Variants in DLGAP2 observed in about 807,000 individuals in gnomAD.
DLGAP2 encodes DLG associated protein 2.
A neutral mutation model predicts 100.3 loss-of-function variants in DLGAP2; 26 were observed. That is an observed-to-expected ratio of 0.26 (90% confidence interval 0.19 to 0.36). The LOEUF (loss-of-function observed/expected upper bound fraction) is 0.36, where lower values mean the gene tolerates loss of function less well. DLGAP2 is among the 10% of genes least tolerant of loss of function. DLGAP2 has a pLI of 1.00. For synonymous variants in DLGAP2, 886 were observed against 630.1 expected (o/e 1.41, Z -6.08); for missense variants, 1,858 against 1,453.2 (o/e 1.28, Z -4.53).
chr8:1,390,594 C>T (rs1796327788), intron 3 of DLGAP2, among the ~76,000 whole-genome samples: 1 of 152,126 alleles, frequency 6.6e-6, no homozygotes, highest in African/African-American at 2.4e-5. Flanking sequence ...TGCCGCCTCC[C>T]TTGCCTGCTT....
At chr8:1,556,043 A>G (rs1179750891) in intron 5 of DLGAP2, among the ~76,000 whole-genome samples, 1 of 152,186 alleles carries the variant, frequency 6.6e-6, no homozygotes, top group East Asian at 1.9e-4. Flanking sequence ...CCTACATGTA[A>G]CTCAAGATGG....
At position 1,303,764 on chromosome 8, in the gene DLGAP2, T is replaced by C. The variant is rs189540583; in HGVS notation, c.106+44881T>C. ...CTGGTCTCTGGGGTTTTGCTTCTCATAGGGGCTAAATTAATCCTGCATCCG... is the reference window on the plus strand; with the variant it reads ...CTGGTCTCTGGGGTTTTGCTTCTCACAGGGGCTAAATTAATCCTGCATCCG... On this transcript the variant is annotated intron_variant, in intron 3 of 14. Transcript: ENST00000637795. Among the ~76,000 whole-genome samples the C allele has an allele frequency of 1.8e-3, 272 of 152,136 alleles. 1 individual carries two copies. Among genetic ancestry groups the C allele is most frequent in the African/African-American group, 6.0e-3 (251 of 41,542 alleles).
chr8:860,373 G>A (rs903617268), intron 1 of DLGAP2, among the ~76,000 whole-genome samples: 20 of 152,292 alleles, frequency 1.3e-4, no homozygotes, highest in Middle Eastern at 6.8e-3. Flanking sequence ...TGTTTGCTGC[G>A]GCTGAGAAAT....
intron 3 of DLGAP2, among the ~76,000 whole-genome samples, chr8:1,388,852 GAGAGC>G (rs1796280517): frequency 8.0e-6 from 1 of 125,216 alleles, no homozygotes; most frequent in African/African-American, 3.1e-5. Context: ...TCAGGGCTGT[GAGAGC>G]AGAGGCCGTG....
At chr8:1,574,731 A>G (rs1199906561) in intron 6 of DLGAP2, among the ~76,000 whole-genome samples, 1 of 152,242 alleles carries the variant, frequency 6.6e-6, no homozygotes, top group Non-Finnish European at 1.5e-5. Context: ...GACCCACATT[A>G]AACTGCCAAT....
At chr8:1,192,650 A>G (rs1797664314) in intron 2 of DLGAP2, among the ~76,000 whole-genome samples, 1 of 133,258 alleles carries the variant, frequency 7.5e-6, no homozygotes, top group African/African-American at 2.9e-5. Flanking sequence ...GCTTGGCTTT[A>G]TGTATCTGGT....
intron 2 of DLGAP2, among the ~76,000 whole-genome samples, chr8:1,107,852 C>T (rs1053852587): frequency 1.3e-5 from 2 of 152,182 alleles, no homozygotes; most frequent in South Asian, 4.1e-4. Flanking sequence ...CACCGAACCA[C>T]CCTAAGCTGA....
chr8:974,131 G>C (rs1002717985), intron 2 of DLGAP2, among the ~76,000 whole-genome samples: 19 of 152,138 alleles, frequency 1.2e-4, no homozygotes, highest in African/African-American at 4.1e-4. Flanking sequence ...GAATTTTTCG[G>C]AACTAATGGT....
At chr8:777,839 T>A (rs1821569061) in intron 1 of DLGAP2, among the ~76,000 whole-genome samples, 2 of 152,162 alleles carry the variant, frequency 1.3e-5, no homozygotes, top group African/African-American at 4.8e-5. Flanking sequence ...TTGGAGTTGC[T>A]CTTCTCGAGG....
chr8:1,491,674 G>A (rs543123977), intron 3 of DLGAP2, among the ~76,000 whole-genome samples: 1 of 152,320 alleles, frequency 6.6e-6, no homozygotes, highest in East Asian at 1.9e-4. Flanking sequence ...ATATAAGTAG[G>A]TGTCACTTTT....
chr8:1,337,738 A>G (rs1801321820), intron 3 of DLGAP2, among the ~76,000 whole-genome samples: 1 of 152,216 alleles, frequency 6.6e-6, no homozygotes. Flanking sequence ...AAAAGACACA[A>G]TCTAGAAAGT....
At chr8:1,167,573 A>G (rs75633316) in intron 2 of DLGAP2, among the ~76,000 whole-genome samples, 300 of 152,336 alleles carry the variant, frequency 2.0e-3, no homozygotes, top group African/African-American at 6.7e-3. Context: ...TCAGATGATC[A>G]TAAGTGGCCC....
chr8:1,586,297 C>T (rs1222791487), intron 6 of DLGAP2, among the ~76,000 whole-genome samples: 3 of 152,196 alleles, frequency 2.0e-5, no homozygotes, highest in Non-Finnish European at 2.9e-5. Context: ...GCCCCGTGTC[C>T]TTGTTGTCAG....
At chr8:1,548,282 A>G (rs1801610989) in intron 4 of DLGAP2, among the ~76,000 whole-genome samples, 2 of 151,844 alleles carry the variant, frequency 1.3e-5, no homozygotes, top group Admixed American at 1.3e-4. Flanking sequence ...CAACATGGCG[A>G]AACCTCGTCT....
intron 3 of DLGAP2, among the ~76,000 whole-genome samples, chr8:1,334,619 C>T (rs1272717965): frequency 1.3e-5 from 2 of 152,168 alleles, no homozygotes; most frequent in Non-Finnish European, 2.9e-5. Flanking sequence ...CATGCACCCA[C>T]CGTGGGCCAT....
chr8:1,563,017 G>A (rs11783757), intron 5 of DLGAP2, among the ~76,000 whole-genome samples: 49 of 29,516 alleles, frequency 1.7e-3, no homozygotes, highest in East Asian at 2.4e-3. Context: ...TTGCTGGGGG[G>A]CTGTGTGGTT....
chr8:1,186,522 C>T (rs1585132553), intron 2 of DLGAP2, among the ~76,000 whole-genome samples: 1 of 152,282 alleles, frequency 6.6e-6, no homozygotes, highest in East Asian at 1.9e-4. Context: ...CTTCCAGGCG[C>T]CTTATCCTCT....
At chr8:1,269,531 C>G (rs1176546888) in intron 3 of DLGAP2, among the ~76,000 whole-genome samples, 1 of 152,180 alleles carries the variant, frequency 6.6e-6, no homozygotes, top group Non-Finnish European at 1.5e-5. Context: ...CCCCCTCAAC[C>G]CTGAAACCCC....
At chr8:1,299,979 T>A (rs1309014142) in intron 3 of DLGAP2, 2 of 152,202 alleles carry the variant, frequency 1.3e-5, no homozygotes, top group East Asian at 3.9e-4. Context: ...GAGGGCCTCT[T>A]CCTGGCCACC....
Sources: gnomAD v4.1 joint callset for allele counts (sites outside exome capture counted in the v4.1 genomes callset) on GRCh38, gnomAD v4.1.1 for gene constraint, MANE v1.5 for transcripts, NCBI Gene and HGNC (gene_info 2026-07-23, HGNC 2026-07-21) for gene names.